Variants in UTP20 observed in about 807,000 individuals in gnomAD.
UTP20 encodes UTP20 small subunit processome component, also known as small subunit processome component 20 homolog.
A neutral mutation model predicts 329.5 loss-of-function variants in UTP20; 164 were observed. That is an observed-to-expected ratio of 0.50 (90% confidence interval 0.44 to 0.57). UTP20 has a LOEUF of 0.57. Among genes scored for constraint, UTP20 ranks in the 20% least tolerant of loss-of-function variants. The pLI is 0.00. For missense variants in UTP20, 3,055 were observed against 3,284.2 expected, an observed-to-expected ratio of 0.93 and a Z score of 1.71; for synonymous variants, 1,151 against 1,159.3, an observed-to-expected ratio of 0.99 and a Z score of 0.14.
chr12:101,312,029 C>T lies in UTP20; in HGVS notation c.2312-7C>T. 6 of 1,614,022 alleles carry T rather than the reference C, an allele frequency of 3.7e-6. No individual in the cohort carries two copies. The highest frequency in any genetic ancestry group is 5.1e-6 in the Non-Finnish European group (6 of 1,179,922). On this transcript the variant is annotated splice_region_variant and splice_polypyrimidine_tract_variant and intron_variant, in intron 20 of 61. Transcript: ENST00000261637. ...TCTGGTGGTTATGACAACTTTCTTT[C>T]TTGCAGAGAAGGAACTACAGAATGA...
intron 50 of UTP20, 147 bp from the exon 51 acceptor site, chr12:101,370,911 C>A (rs1010714391): frequency 1.5e-6 from 1 of 672,008 alleles, no homozygotes; most frequent in South Asian, 2.0e-5. Flanking sequence ...GTTGTGTGTT[C>A]TTTGTGCTTA....
At chr12:101,339,693 A>G (rs1869056575) in intron 31 of UTP20, among the ~76,000 whole-genome samples, 1 of 152,168 alleles carries the variant, frequency 6.6e-6, no homozygotes, top group Non-Finnish European at 1.5e-5. Flanking sequence ...GTTGTTAAAG[A>G]GTCTGTTTGG....
chr12:101,329,358 G>A lies in UTP20; in HGVS notation c.3326G>A (p.Ser1109Asn). 1 of 1,614,082 alleles carries A rather than the reference G, an allele frequency of 6.2e-7. No homozygotes were observed. Among genetic ancestry groups the A allele is most frequent in the Non-Finnish European group, 8.5e-7 (1 of 1,180,018 alleles). The change falls in exon 27 of 62, where the codon AGT (serine) becomes AAT (asparagine). Residue 1109 changes from serine (S) to asparagine (N), a missense_variant. By Grantham distance (46) the Ser-to-Asn change is conservative. This residue lies in a region of UTP20 where 2,445 missense variants were observed against 2,575.5 expected (regional missense o/e 0.95). Transcript: ENST00000261637. ...NSLEIVLKNI[S>N]HLISAYLPKI... ...CTTGAGATAGTATTGAAAAACATTA[G>A]TCATCTGATCAGCGCATACCTGCCG...
chr12:101,311,957 G>T, intron 20 of UTP20, 79 bp from the exon 21 acceptor site: 5 of 1,592,186 alleles, frequency 3.1e-6, no homozygotes, highest in Non-Finnish European at 4.3e-6. Context: ...TATAGAGAAA[G>T]AAATGCCCTC....
intron 32 of UTP20, among the ~76,000 whole-genome samples, chr12:101,341,340 T>C (rs572806838): frequency 6.6e-6 from 1 of 152,112 alleles, no homozygotes; most frequent in African/African-American, 2.4e-5. Context: ...ACTTTTAATA[T>C]TCAGACACAG....
In UTP20 at chr12:101,312,243, G is replaced by T. The variant is rs1872816953; in HGVS notation, c.2519G>T (p.Arg840Met). 6.2e-7 allele frequency: 1 copy of T among 1,614,048 alleles called. No individual in the cohort carries two copies. ...KFPERVEPRS[R>M]ELSPLFLRFI... ...CCAGAAAGAGTAGAGCCACGGTCCA[G>T]GGAGCTTTCCCCGCTTTTCTTGAGA... The change falls in exon 21 of 62, where the codon AGG becomes ATG. Residue 840 changes from arginine to methionine, a missense_variant. Around this residue, in one of 3 missense-constraint regions of UTP20, gnomAD observed 2,445 missense variants for 2,575.5 expected, o/e 0.95. Transcript: ENST00000261637.
chr12:101,296,621 G>A (rs1465412015), intron 12 of UTP20, among the ~76,000 whole-genome samples: 6 of 151,424 alleles, frequency 4.0e-5, no homozygotes, highest in South Asian at 2.1e-4. Context: ...GGTAGCGGGC[G>A]CCTGTAGTCC....
In UTP20 at chr12:101,281,190, T is replaced by TGAG; in HGVS notation, c.125_126+1dup. 1 of 1,612,774 alleles carries TGAG rather than the reference T, an allele frequency of 6.2e-7. No individual in the cohort carries two copies. The highest frequency in any genetic ancestry group is 8.5e-7 in the Non-Finnish European group (1 of 1,179,008). On this transcript the variant is annotated inframe_insertion, in exon 2 of 62. Transcript: ENST00000261637. ...ACCGGATTGATAGAACTGCAAGCTA[T>TGAG]GAGGAGGTAAGAGAATGTGATACTA...
In UTP20 at chr12:101,342,846, GA is replaced by G. The variant is rs1185083618; in HGVS notation, c.4296+11del. 1.9e-6 allele frequency: 3 copies of G among 1,612,736 alleles called. No individual in the cohort carries two copies. The South Asian group carries it at 3.3e-5, about 18-fold the overall frequency. On this transcript the variant is annotated intron_variant, in intron 34 of 61. Transcript: ENST00000261637. ...TTACTGATGTTGTCAAGGTAAGAAA[GA>G]AGGGTTTCTCTTTGGCTTCAAAAGT... is the stretch of plus-strand genomic sequence containing the variant.
At position 101,379,428 on chromosome 12, in the gene UTP20, A is replaced by C. The variant is rs1870574207; in HGVS notation, c.7454A>C (p.Gln2485Pro). 3.1e-6 allele frequency: 5 copies of C among 1,614,148 alleles called. No homozygotes were observed. The highest frequency in any genetic ancestry group is 4.2e-6 in the Non-Finnish European group (5 of 1,179,992). The change falls in exon 57 of 62, where the codon CAG (glutamine) becomes CCG (proline). Residue 2485 changes from glutamine to proline, a missense_variant. Physicochemically the swap from Gln to Pro is moderately conservative, Grantham distance 76. Around this residue, in one of 3 missense-constraint regions of UTP20, gnomAD observed 273 missense variants for 363.1 expected, o/e 0.75. Coordinates refer to ENST00000261637, the MANE Select transcript of UTP20 (RefSeq NM_014503.3). ...PHNWVWLTAAQIFGLLFASCQ... is the reference protein window; with the variant it reads ...PHNWVWLTAAPIFGLLFASCQ... ...AACTGGGTGTGGCTCACAGCAGCCC[A>C]GATTTTTGGATTACTCTTTGCCTCT... is the stretch of plus-strand genomic sequence containing the variant.
chr12:101,316,291 A>G (rs528354684), intron 21 of UTP20, among the ~76,000 whole-genome samples: 14 of 152,136 alleles, frequency 9.2e-5, no homozygotes, highest in Non-Finnish European at 2.1e-4. Context: ...TGTGCTGGAC[A>G]CTCTTATGGA....
intron 41 of UTP20, among the ~76,000 whole-genome samples, chr12:101,355,550 G>A (rs1325338426): frequency 6.6e-6 from 1 of 152,126 alleles, no homozygotes; most frequent in Admixed American, 6.5e-5. Flanking sequence ...ACACGGGTTG[G>A]CCAACTATGG....
At chr12:101,357,271 T>A (rs183132164) in intron 43 of UTP20, among the ~76,000 whole-genome samples, 189 bp downstream of exon 43, 1 of 152,342 alleles carries the variant, frequency 6.6e-6, no homozygotes, top group East Asian at 1.9e-4. Flanking sequence ...TATATCTGAT[T>A]TTTAAAAGAT....
Position 101,308,807 on chromosome 12 carries a change from A to G in UTP20, c.2154+464A>G, listed in dbSNP as rs1008083906. ...GAGTGCAGTGGCGCAATCTCTGCTC[A>G]CTGCAAGCTCAGCCTCCCGGGTTCA... On this transcript the variant is annotated intron_variant, in intron 18 of 61. Coordinates refer to ENST00000261637, the MANE Select transcript of UTP20 (RefSeq NM_014503.3). Among the ~76,000 whole-genome samples the G allele has an allele frequency of 2.0e-5, 3 of 149,294 alleles. No homozygotes were observed. The Admixed American group carries it at 2.0e-4, about 10-fold the overall frequency.
At chr12:101,375,054 C>T (rs1870428792) in intron 55 of UTP20, 115 bp downstream of exon 55, 2 of 657,638 alleles carry the variant, frequency 3.0e-6, no homozygotes, top group East Asian at 5.6e-5. Flanking sequence ...ATAGCTATAG[C>T]TATTTATAGC....
At chr12:101,375,234 C>G (rs1416964601) in intron 55 of UTP20, among the ~76,000 whole-genome samples, 1 of 151,536 alleles carries the variant, frequency 6.6e-6, no homozygotes, top group Non-Finnish European at 1.5e-5. Flanking sequence ...GTACTCCAGC[C>G]TGGCTAACAG....
In UTP20 at chr12:101,359,682, T is replaced by C. The variant is rs563703575; in HGVS notation, c.5692-2280T>C. Among the ~76,000 whole-genome samples the C allele has an allele frequency of 1.4e-3, 208 of 152,312 alleles. 1 individual carries two copies. Among genetic ancestry groups the C allele is most frequent in the African/African-American group, 4.8e-3 (201 of 41,568 alleles). Reference sequence around the variant, plus strand: ...TCTAAAATTTTCATTTATTTTTTCTTTAGATCTTCTGTTTCTTTGCTGACA... The same window carrying C: ...TCTAAAATTTTCATTTATTTTTTCTCTAGATCTTCTGTTTCTTTGCTGACA... On this transcript the variant is annotated intron_variant, in intron 43 of 61. Transcript: ENST00000261637.
chr12:101,323,997 C>T (rs1259917862), intron 25 of UTP20, among the ~76,000 whole-genome samples: 5 of 151,782 alleles, frequency 3.3e-5, no homozygotes, highest in African/African-American at 4.8e-5. Flanking sequence ...ATAAGCTGGG[C>T]GTGGTGGCAC....
chr12:101,369,313 C>T (rs1236439622), intron 48 of UTP20, among the ~76,000 whole-genome samples: 3 of 152,012 alleles, frequency 2.0e-5, no homozygotes, highest in Admixed American at 1.3e-4. Context: ...CTCCATAAAC[C>T]CCTATAAGTA....
Sources: gnomAD v4.1 joint callset for allele counts (sites outside exome capture counted in the v4.1 genomes callset) on GRCh38, gnomAD v4.1.1 for gene constraint, gnomAD v4.1.1 regional missense constraint, MANE v1.5 for transcripts, NCBI Gene and HGNC (gene_info 2026-07-23, HGNC 2026-07-21) for gene names.